The following ZNF292 variants were observed in gnomAD, a reference collection of about 807,000 sequenced individuals.
ZNF292 encodes 16 zinc-finger domain protein.
Under a neutral mutation model 217.9 loss-of-function variants are expected in ZNF292, and 26 were observed. The ratio of observed to expected loss-of-function variants is 0.12; its 90% CI spans 0.09 to 0.17. The LOEUF (loss-of-function observed/expected upper bound fraction) is 0.17, where lower values mean the gene tolerates loss of function less well. Among genes scored for constraint, ZNF292 ranks in the 10% least tolerant of loss-of-function variants. The pLI, the probability that ZNF292 is intolerant of heterozygous loss-of-function variation, is 1.00. For missense variants in ZNF292, 2,904 were observed against 3,175.2 expected (o/e 0.91, Z 2.05); for synonymous variants, 1,257 against 1,124.1 (o/e 1.12, Z -2.37).
intron 3 of ZNF292, among the ~76,000 whole-genome samples, chr6:87,217,552 A>G (rs559164396): frequency 1.3e-5 from 2 of 152,244 alleles, no homozygotes; most frequent in South Asian, 4.1e-4. Context: ...CTACCACAGA[A>G]TTAATATGCA....
chr6:87,259,164 G>A lies in ZNF292; in HGVS notation c.5535G>A (p.Gln1845=), dbSNP rs1775416417. 6.2e-7 allele frequency: 1 copy of A among 1,613,210 alleles called. No individual in the cohort carries two copies. Among genetic ancestry groups the A allele is most frequent in the Non-Finnish European group, 8.5e-7 (1 of 1,179,630 alleles). ...TACAGGAAATTTTAGAAGGCTTACAGAAATTAAAATTAGAAAATGACCTAT... is the reference window on the plus strand; with the variant it reads ...TACAGGAAATTTTAGAAGGCTTACAAAAATTAAAATTAGAAAATGACCTAT... ...DQIQEILEGL[Q]KLKLENDLST... Residue 1845 remains glutamine, a synonymous_variant, in exon 8 of 8, where the codon CAG becomes CAA. Coordinates refer to ENST00000369577, the MANE Select transcript of ZNF292 (RefSeq NM_015021.3).
chr6:87,190,862 G>C (rs998467307), intron 1 of ZNF292, among the ~76,000 whole-genome samples: 2 of 152,026 alleles, frequency 1.3e-5, no homozygotes, highest in African/African-American at 4.8e-5. Context: ...TTTCTTTACT[G>C]TTTCTTCTGA....
intron 5 of ZNF292, among the ~76,000 whole-genome samples, chr6:87,238,683 T>TTA (rs1180511738): frequency 1.3e-5 from 2 of 149,022 alleles, no homozygotes; most frequent in African/African-American, 5.1e-5. Flanking sequence ...TGGTTTTGAT[T>TTA]TATATATTTT....
At chr6:87,168,506 T>G (rs1048030190) in intron 1 of ZNF292, among the ~76,000 whole-genome samples, 1 of 152,194 alleles carries the variant, frequency 6.6e-6, no homozygotes, top group African/African-American at 2.4e-5. Flanking sequence ...CGAGTTTCGC[T>G]CTTGTCAGGC....
chr6:87,180,515 C>G (rs1771441635), intron 1 of ZNF292, among the ~76,000 whole-genome samples: 1 of 152,206 alleles, frequency 6.6e-6, no homozygotes, highest in Non-Finnish European at 1.5e-5. Context: ...GGCTGCACAC[C>G]CCAGACCTCA....
At position 87,256,376 on chromosome 6, in the gene ZNF292, C is replaced by T. The variant is rs549923090; in HGVS notation, c.2747C>T (p.Pro916Leu). 10 of 1,609,838 alleles carry T rather than the reference C, an allele frequency of 6.2e-6. No homozygotes were observed. The highest frequency in any genetic ancestry group is 8.5e-6 in the Non-Finnish European group (10 of 1,179,818). Residue 916 changes from proline (P) to leucine (L), a missense_variant, in exon 8 of 8, where the codon CCA becomes CTA. Pro to Leu is a moderately conservative substitution (Grantham distance 98). Coordinates refer to ENST00000369577, the MANE Select transcript of ZNF292 (RefSeq NM_015021.3). ...SASELRQANG[P>L]LSNGLENPAT... ...TCTGAGCTCAGGCAAGCTAATGGAC[C>T]ATTGTCAAATGGTTTGGAAAACCCT...
At chr6:87,168,822 T>G (rs1770998014) in intron 1 of ZNF292, among the ~76,000 whole-genome samples, 1 of 152,078 alleles carries the variant, frequency 6.6e-6, no homozygotes, top group Non-Finnish European at 1.5e-5. Flanking sequence ...AATAGTATGA[T>G]CATCCCTCGG....
intron 5 of ZNF292, among the ~76,000 whole-genome samples, chr6:87,242,019 T>C (rs1341962862): frequency 6.6e-6 from 1 of 152,230 alleles, no homozygotes; most frequent in Non-Finnish European, 1.5e-5. Flanking sequence ...TCGCAGACCA[T>C]CTGTATATAA....
chr6:87,253,026 C>T (rs1199000314), intron 7 of ZNF292, among the ~76,000 whole-genome samples: 1 of 151,930 alleles, frequency 6.6e-6, no homozygotes, highest in Admixed American at 6.6e-5. Flanking sequence ...CCTGCCTCAG[C>T]TTTCTTTGTA....
At chr6:87,226,705 A>G (rs1773370475) in intron 4 of ZNF292, among the ~76,000 whole-genome samples, 1 of 147,508 alleles carries the variant, frequency 6.8e-6, no homozygotes, top group South Asian at 2.1e-4. Context: ...TTTGAGACGG[A>G]GTCTCCCTCT....
chr6:87,169,846 C>T (rs1190114441), intron 1 of ZNF292: 1 of 264,268 alleles, frequency 3.8e-6, no homozygotes, highest in Non-Finnish European at 7.9e-6. Flanking sequence ...CAGGGTTTTG[C>T]CATGTTGCCC....
intron 1 of ZNF292, among the ~76,000 whole-genome samples, chr6:87,193,727 T>C (rs566997152): frequency 1.3e-5 from 2 of 152,304 alleles, no homozygotes; most frequent in South Asian, 4.1e-4. Flanking sequence ...CACAAAGTTA[T>C]TTAAAAACAT....
chr6:87,217,185 G>GT (rs1172625407), intron 3 of ZNF292, among the ~76,000 whole-genome samples: 1 of 151,932 alleles, frequency 6.6e-6, no homozygotes, highest in Non-Finnish European at 1.5e-5. Context: ...TATTAAAGAG[G>GT]TATAGCCTTA....
intron 1 of ZNF292, among the ~76,000 whole-genome samples, chr6:87,210,455 G>C (rs919288186): frequency 2.0e-5 from 3 of 151,774 alleles, no homozygotes; most frequent in African/African-American, 7.3e-5. Context: ...TCCTAGGCTT[G>C]CCCCAGAACA....
intron 5 of ZNF292, among the ~76,000 whole-genome samples, chr6:87,240,080 G>A (rs747025180): frequency 3.3e-5 from 5 of 152,272 alleles, no homozygotes; most frequent in South Asian, 2.1e-4. Context: ...CTGAGTGAAC[G>A]AGACTCCATC....
chr6:87,186,725 T>A (rs559855478), intron 1 of ZNF292, among the ~76,000 whole-genome samples: 1 of 152,210 alleles, frequency 6.6e-6, no homozygotes, highest in East Asian at 1.9e-4. Context: ...GCCTGGGCGA[T>A]AGAACAAGAC....
At chr6:87,175,693 A>C (rs2127775337) in intron 1 of ZNF292, among the ~76,000 whole-genome samples, 1 of 152,326 alleles carries the variant, frequency 6.6e-6, no homozygotes, top group South Asian at 2.1e-4. Flanking sequence ...GTACTTGTAG[A>C]CCTGCATAGC....
chr6:87,261,558 T>C lies in ZNF292; in HGVS notation c.7929T>C (p.Cys2643=), dbSNP rs1282996732. The C allele has an allele frequency of 6.2e-7, 1 of 1,610,404 alleles. No individual in the cohort carries two copies. The highest frequency in any genetic ancestry group is 8.5e-7 in the Non-Finnish European group (1 of 1,178,110). The change falls in exon 8 of 8, where the codon TGT becomes TGC. Residue 2643 remains cysteine, a synonymous_variant. Coordinates refer to ENST00000369577, the MANE Select transcript of ZNF292 (RefSeq NM_015021.3). ...KTAVTSGNHV[C]PCKESETFVQ... ...CTGTGACTAGTGGAAATCATGTATG[T>C]CCTTGTAAAGAAAGCGAAACGTTTG... is the stretch of plus-strand genomic sequence containing the variant.
At chr6:87,189,571 A>G (rs1264713541) in intron 1 of ZNF292, among the ~76,000 whole-genome samples, 1 of 151,892 alleles carries the variant, frequency 6.6e-6, no homozygotes, top group African/African-American at 2.4e-5. Flanking sequence ...TGGCCATGTA[A>G]TGTATTATGT....
Sources: gnomAD v4.1 joint callset for allele counts (sites outside exome capture counted in the v4.1 genomes callset) on GRCh38, gnomAD v4.1.1 for gene constraint, MANE v1.5 for transcripts, NCBI Gene and HGNC (gene_info 2026-07-23, HGNC 2026-07-21) for gene names.